Variants in SEC23B observed in about 807,000 individuals in gnomAD.
SEC23B encodes the protein protein transport protein Sec23B.
In SEC23B, 77 loss-of-function variants were observed where a neutral mutation model predicts 104.3. The ratio of observed to expected loss-of-function variants is 0.74; its 90% CI spans 0.61 to 0.89. SEC23B has a LOEUF of 0.89. Among genes scored for constraint, SEC23B ranks in the 40% least tolerant of loss-of-function variants. The pLI is 0.00. For missense variants in SEC23B, 885 were observed against 949.4 expected (o/e 0.93, Z 0.89); for synonymous variants, 338 against 332.5 (o/e 1.02, Z -0.18).
intron 17 of SEC23B, 87 bp from the exon 18 acceptor site, chr20:18,554,148 T>G: frequency 6.8e-7 from 1 of 1,462,498 alleles, no homozygotes; most frequent in Non-Finnish European, 9.5e-7. Flanking sequence ...AGAAACAAGC[T>G]CTGGGTGGCG....
intron 4 of SEC23B, among the ~76,000 whole-genome samples, chr20:18,523,867 A>G (rs546250659): frequency 2.1e-3 from 319 of 151,904 alleles, no homozygotes; most frequent in Non-Finnish European, 3.5e-3. Context: ...ATCATCCCCA[A>G]CTAATTTTTA....
At chr20:18,514,246 G>C (rs968798492) in intron 3 of SEC23B, among the ~76,000 whole-genome samples, 1 of 152,124 alleles carries the variant, frequency 6.6e-6, no homozygotes, top group African/African-American at 2.4e-5. Flanking sequence ...GGTGATCTCC[G>C]TCTCCTTTGC....
chr20:18,520,773 G>A (rs747983048), intron 4 of SEC23B, among the ~76,000 whole-genome samples: 1 of 152,008 alleles, frequency 6.6e-6, no homozygotes, highest in South Asian at 2.1e-4. Flanking sequence ...AGAAGGCGAC[G>A]GACTTACTCT....
chr20:18,510,901 C>T lies in SEC23B; in HGVS notation c.66C>T (p.Asn22=), dbSNP rs144542988. The change falls in exon 2 of 20, where the codon AAC becomes AAT. Residue 22 remains asparagine (N), a synonymous_variant. Transcript: ENST00000650089. The part of the protein sequence containing the change: ...EERDGVRFSW[N]VWPSSRLEAT... ...GGGATGGTGTGCGTTTTAGTTGGAA[C>T]GTGTGGCCTTCCAGCCGGCTGGAGG... The T allele has an allele frequency of 1.7e-4, 273 of 1,614,112 alleles. No homozygotes were observed. The African/African-American group carries it at 2.6e-3, about 16-fold the overall frequency.
chr20:18,543,785 C>T (rs1008577657), intron 14 of SEC23B, among the ~76,000 whole-genome samples: 2 of 152,150 alleles, frequency 1.3e-5, no homozygotes, highest in Admixed American at 6.5e-5. Flanking sequence ...GAGAAGTTAC[C>T]GTGGTGCTGT....
chr20:18,513,015 C>T (rs2040008494), intron 3 of SEC23B, among the ~76,000 whole-genome samples: 1 of 152,126 alleles, frequency 6.6e-6, no homozygotes, highest in South Asian at 2.1e-4. Flanking sequence ...GAAATCCCCT[C>T]TCTACTAAAA....
At chr20:18,544,793 G>A (rs2060318252) in intron 14 of SEC23B, among the ~76,000 whole-genome samples, 1 of 152,216 alleles carries the variant, frequency 6.6e-6, no homozygotes, top group African/African-American at 2.4e-5. Context: ...GACCAGCATA[G>A]TGGCAGGAGA....
intron 3 of SEC23B, among the ~76,000 whole-genome samples, chr20:18,514,947 A>G (rs975772086): frequency 1.1e-4 from 17 of 152,326 alleles, no homozygotes; most frequent in South Asian, 4.1e-4. Context: ...TATTTAGACT[A>G]TTAACTATTG....
At chr20:18,541,639 C>T (rs1238754759) in intron 12 of SEC23B, among the ~76,000 whole-genome samples, 2 of 152,220 alleles carry the variant, frequency 1.3e-5, no homozygotes, top group East Asian at 1.9e-4. Context: ...ACAGAATATA[C>T]ACAACATTTA....
At chr20:18,542,974 G>A (rs753460337) in intron 13 of SEC23B, 45 bp from the exon 14 acceptor site, 21 of 1,612,400 alleles carry the variant, frequency 1.3e-5, no homozygotes, top group Non-Finnish European at 1.8e-5. Flanking sequence ...CTGGCTTTCT[G>A]ATCTCTCCTA....
At chr20:18,532,031 T>G (rs1345321845) in intron 10 of SEC23B, among the ~76,000 whole-genome samples, 1 of 152,236 alleles carries the variant, frequency 6.6e-6, no homozygotes, top group Non-Finnish European at 1.5e-5. Flanking sequence ...GCACTCAGCC[T>G]GGGCAACAGA....
chr20:18,519,112 C>T lies in SEC23B; in HGVS notation c.366+3376C>T, dbSNP rs1482095760. 3.9e-5 allele frequency among the ~76,000 whole-genome samples: 6 copies of T among 151,978 alleles called. No homozygotes were observed. The South Asian group carries it at 8.3e-4, about 21-fold the overall frequency. ...ATAGCCTGCCTTTGCTGGTGTGTGG[C>T]GATTAGGCCTGGTGGAACTGCCATC... On this transcript the variant is annotated intron_variant, in intron 4 of 19. Transcript: ENST00000650089.
At chr20:18,532,543 G>A (rs1021778816) in intron 10 of SEC23B, 121 bp from the exon 11 acceptor site, 2 of 796,498 alleles carry the variant, frequency 2.5e-6, no homozygotes, top group Non-Finnish European at 4.5e-6. Flanking sequence ...GATCCCTGTG[G>A]AGTTTTCTCT....
At chr20:18,512,869 G>C (rs1208523392) in intron 3 of SEC23B, among the ~76,000 whole-genome samples, 5 of 152,068 alleles carry the variant, frequency 3.3e-5, no homozygotes, top group Non-Finnish European at 7.4e-5. Context: ...GGCCAACATG[G>C]TGAAACCCCA....
chr20:18,535,815 C>T (rs2060225482), intron 12 of SEC23B, 73 bp downstream of exon 12: 1 of 1,181,048 alleles, frequency 8.5e-7, no homozygotes, highest in Non-Finnish European at 1.3e-6. Flanking sequence ...CCAGTGGTCT[C>T]TGGTTACTTT....
chr20:18,533,468 C>T (rs563414561), intron 11 of SEC23B, among the ~76,000 whole-genome samples: 2 of 152,216 alleles, frequency 1.3e-5, no homozygotes, highest in South Asian at 2.1e-4. Context: ...AGGTTTACAC[C>T]CCGCACCTGG....
Position 18,511,505 on chromosome 20 carries a change from AT to A in SEC23B, c.221+463del, listed in dbSNP as rs11475595. ...AACTGTTAACAATTTGTTAAGTGTA[AT>A]TTTTTTTTTTTTTGTGCCTGAGATA... On this transcript the variant is annotated intron_variant, in intron 2 of 19. Coordinates refer to ENST00000650089, the MANE Select transcript of SEC23B (RefSeq NM_006363.6). 0.7 allele frequency among the ~76,000 whole-genome samples: 103,071 copies of A among 147,626 alleles called. 36,815 individuals are homozygous for A. The highest frequency in any genetic ancestry group is 0.8 in the Non-Finnish European group (53,364 of 66,478).
chr20:18,530,222 A>T (rs2060171050), intron 9 of SEC23B, among the ~76,000 whole-genome samples: 1 of 151,326 alleles, frequency 6.6e-6, no homozygotes, highest in Non-Finnish European at 1.5e-5. Context: ...TTATTTTTTT[A>T]ATTTATTTTA....
At chr20:18,518,853 G>A (rs2060057911) in intron 4 of SEC23B, among the ~76,000 whole-genome samples, 1 of 152,074 alleles carries the variant, frequency 6.6e-6, no homozygotes, top group South Asian at 2.1e-4. Flanking sequence ...CTTTAGAAGA[G>A]TTTTTATTAA....
Sources: gnomAD v4.1 joint callset for allele counts (sites outside exome capture counted in the v4.1 genomes callset) on GRCh38, gnomAD v4.1.1 for gene constraint, MANE v1.5 for transcripts, NCBI Gene and HGNC (gene_info 2026-07-23, HGNC 2026-07-21) for gene names.